The following CYBB variants were observed in gnomAD, a reference collection of about 807,000 sequenced individuals.
CYBB encodes NADPH oxidase 2.
CYBB carries 5 observed loss-of-function variants against 46.5 expected under a neutral mutation model. That is an observed-to-expected ratio of 0.11 (90% CI 0.06 to 0.23). The LOEUF (loss-of-function observed/expected upper bound fraction) is 0.23, where lower values mean the gene tolerates loss of function less well. Ranked by LOEUF, CYBB falls within the 10% of genes least tolerant of loss-of-function variation. CYBB has a pLI of 1.00. For missense variants in CYBB, 307 were observed against 428.3 expected, an observed-to-expected ratio of 0.72 and a Z score of 2.50; for synonymous variants, 183 against 156.7, an observed-to-expected ratio of 1.17 and a Z score of -1.26.
intron 4 of CYBB, among the ~76,000 whole-genome samples, chrX:37,793,384 T>C (rs782803180): frequency 9.1e-6 from 1 of 110,216 alleles, no homozygotes; most frequent in South Asian, 3.9e-4. Context: ...GATTGAGTCT[T>C]TAGGAGCATA....
intron 5 of CYBB, among the ~76,000 whole-genome samples, chrX:37,794,056 G>C (rs1929251862): frequency 9.0e-6 from 1 of 111,676 alleles, no homozygotes; most frequent in African/African-American, 3.3e-5. Flanking sequence ...GTGTGCATGT[G>C]AAGCCTGGAG....
chrX:37,784,379 G>A (rs2146804635), intron 3 of CYBB, among the ~76,000 whole-genome samples: 1 of 111,725 alleles, frequency 9.0e-6, no homozygotes, highest in African/African-American at 3.3e-5. Flanking sequence ...AGGTGGGGCA[G>A]AGAATGAAGA....
chrX:37,810,667 G>T, intron 12 of CYBB, 124 bp from the exon 13 acceptor site: 1 of 688,033 alleles, frequency 1.5e-6, no homozygotes, highest in Non-Finnish European at 2.3e-6. Context: ...GCTATTTGTG[G>T]AAAAGAAAAA....
At chrX:37,795,632 A>G (rs1342697244) in intron 5 of CYBB, among the ~76,000 whole-genome samples, 1 of 111,909 alleles carries the variant, frequency 8.9e-6, no homozygotes, top group Non-Finnish European at 1.9e-5. Context: ...CACTTTTAGG[A>G]CATCCTGTAG....
At chrX:37,794,416 A>G (rs1929260007) in intron 5 of CYBB, among the ~76,000 whole-genome samples, 1 of 111,738 alleles carries the variant, frequency 8.9e-6, no homozygotes, top group South Asian at 3.7e-4. Flanking sequence ...AGGCTCAGAC[A>G]TGATTTTGGA....
At chrX:37,791,940 A>T (rs1556467072) in intron 3 of CYBB, 35 bp from the exon 4 acceptor site, 4 of 1,073,731 alleles carry the variant, frequency 3.7e-6, no homozygotes, top group Non-Finnish European at 5.2e-6. Flanking sequence ...TCCTGTTAAC[A>T]ATTACTATTC....
intron 7 of CYBB, among the ~76,000 whole-genome samples, chrX:37,799,596 A>T (rs1929394229): frequency 8.9e-6 from 1 of 111,967 alleles, no homozygotes; most frequent in Admixed American, 9.5e-5. Flanking sequence ...AGGAGGCTGG[A>T]CGGCGAGGTT....
rs1392625101 is a variant in CYBB at position 37,813,325 on chromosome X, C to A, written c.*2408C>A. The A allele has an allele frequency of 9.8e-6, 1 of 102,252 alleles. No individual in the cohort carries two copies. Among genetic ancestry groups the A allele is most frequent in the Non-Finnish European group, 2.0e-5 (1 of 50,652 alleles). The allele number at this position is 102,252 out of a possible 1,213,427, so 8.4% of individuals were successfully genotyped here. A position where few individuals can be genotyped will look rare whatever the true frequency, so the allele number is the denominator to read the frequency against. ...ACTATGAAGGTTTTTCTTAGTTCTT[C>A]TGCTTTTGCAATTGTGTTTGTGAAA... On this transcript the variant is annotated 3_prime_UTR_variant, in exon 13 of 13. Coordinates refer to ENST00000378588, the MANE Select transcript of CYBB (RefSeq NM_000397.4).
At chrX:37,799,360 C>G (rs949252917) in intron 7 of CYBB, among the ~76,000 whole-genome samples, 3 of 111,868 alleles carry the variant, frequency 2.7e-5, no homozygotes, top group Non-Finnish European at 3.8e-5. Context: ...AGTTCCATCT[C>G]TTTTCTTCAT....
chrX:37,796,173 C>T, intron 6 of CYBB, 32 bp downstream of exon 6: 1 of 1,133,828 alleles, frequency 8.8e-7, no homozygotes, highest in Non-Finnish European at 1.2e-6. Flanking sequence ...TGAAGGATTT[C>T]ATGTCCCTCA....
At chrX:37,784,650 G>T (rs1159651708) in intron 3 of CYBB, among the ~76,000 whole-genome samples, 2 of 111,577 alleles carry the variant, frequency 1.8e-5, no homozygotes, top group Non-Finnish European at 3.8e-5. Context: ...TGGTGTCCTG[G>T]TGGGACCAAT....
chrX:37,783,940 A>T (rs1929007321), intron 3 of CYBB, among the ~76,000 whole-genome samples: 1 of 111,714 alleles, frequency 9.0e-6, no homozygotes, highest in Non-Finnish European at 1.9e-5. Context: ...GATATCTGGG[A>T]GTTAATCTTT....
intron 2 of CYBB, among the ~76,000 whole-genome samples, chrX:37,783,170 T>C (rs1246064209): frequency 9.0e-6 from 1 of 111,630 alleles, no homozygotes; most frequent in Non-Finnish European, 1.9e-5. Flanking sequence ...AATGGATAGA[T>C]AGAATGTGAT....
In CYBB at chrX:37,811,182, G is replaced by A; in HGVS notation, c.*265G>A. On this transcript the variant is annotated 3_prime_UTR_variant, in exon 13 of 13. Transcript: ENST00000378588. Reference sequence around the variant, plus strand: ...AGTGGAAGTTAGGGAAAAGATTCTTGGACTCAATTTTAGAATCAAAAGGGA... The same window carrying A: ...AGTGGAAGTTAGGGAAAAGATTCTTAGACTCAATTTTAGAATCAAAAGGGA... The A allele has an allele frequency of 3.6e-6, 1 of 276,267 alleles. No homozygotes were observed. Among genetic ancestry groups the A allele is most frequent in the Non-Finnish European group, 6.6e-6 (1 of 151,978 alleles). The allele number at this position is 276,267 out of a possible 1,213,427, so 22.8% of individuals were successfully genotyped here. A position where few individuals can be genotyped will look rare whatever the true frequency, so the allele number is the denominator to read the frequency against.
chrX:37,781,700 G>GT (rs35508209), intron 1 of CYBB, among the ~76,000 whole-genome samples: 4,368 of 111,694 alleles, frequency 0.039, 218 homozygotes, highest in African/African-American at 0.13. Flanking sequence ...AGAACGCAGT[G>GT]TCATACTGGT....
chrX:37,804,928 C>A, intron 9 of CYBB, 78 bp from the exon 10 acceptor site: 2 of 991,387 alleles, frequency 2.0e-6, no homozygotes, highest in Admixed American at 2.2e-5. Context: ...GTTGCACATC[C>A]CCAATAATTA....
intron 1 of CYBB, 127 bp downstream of exon 1, chrX:37,780,249 A>G: frequency 3.5e-6 from 2 of 563,658 alleles, no homozygotes; most frequent in South Asian, 5.3e-5. Context: ...ATGTGAACCT[A>G]TATCTATCTG....
chrX:37,801,736 G>A (rs1556470075), intron 8 of CYBB, among the ~76,000 whole-genome samples: 1 of 109,580 alleles, frequency 9.1e-6, no homozygotes, highest in Admixed American at 9.9e-5. Context: ...GGCATAAATT[G>A]AGTCTTAAAA....
intron 6 of CYBB, 86 bp from the exon 7 acceptor site, chrX:37,798,869 G>C: frequency 1.0e-6 from 1 of 983,949 alleles, no homozygotes; most frequent in East Asian, 3.3e-5. Context: ...GCCTACATCA[G>C]AGCACTTAAA....
Sources: allele counts gnomAD v4.1 joint callset (sites outside exome capture counted in the v4.1 genomes callset), GRCh38; gene constraint gnomAD v4.1.1; transcripts MANE v1.5; gene names NCBI Gene and HGNC (gene_info 2026-07-23, HGNC 2026-07-21).